The following DPP6 variants were observed in gnomAD, a reference collection of about 807,000 sequenced individuals.
DPP6 encodes the protein A-type potassium channel modulatory protein DPP6.
DPP6 carries 69 observed loss-of-function variants against 122.6 expected under a neutral mutation model. The ratio of observed to expected loss-of-function variants is 0.56; its 90% CI spans 0.46 to 0.69. The LOEUF is 0.69. DPP6 is among the 30% of genes least tolerant of loss of function. DPP6 has a pLI of 0.00. For synonymous variants in DPP6, 418 were observed against 433.1 expected (o/e 0.97, Z 0.43); for missense variants, 928 against 1,116.9 (o/e 0.83, Z 2.41).
At chr7:154,388,834 G>C (rs927620408) in intron 1 of DPP6, among the ~76,000 whole-genome samples, 5 of 152,140 alleles carry the variant, frequency 3.3e-5, no homozygotes, top group African/African-American at 4.8e-5. Context: ...CATATCCGTT[G>C]TCATTTAAGT....
intron 1 of DPP6, among the ~76,000 whole-genome samples, chr7:154,197,494 C>A (rs975231675): frequency 2.7e-4 from 41 of 152,124 alleles, no homozygotes; most frequent in Non-Finnish European, 5.3e-4. Flanking sequence ...CTCGGAACAC[C>A]CGGTCATCAG....
intron 8 of DPP6, among the ~76,000 whole-genome samples, chr7:154,753,310 C>T (rs559701025): frequency 6.6e-6 from 1 of 152,194 alleles, no homozygotes; most frequent in Non-Finnish European, 1.5e-5. Context: ...CCTTCCGAAT[C>T]TATTATTTAC....
intron 7 of DPP6, among the ~76,000 whole-genome samples, chr7:154,709,640 TG>T (rs1262027890): frequency 1.3e-5 from 2 of 152,064 alleles, no homozygotes; most frequent in African/African-American, 4.8e-5. Context: ...AGTCACAGTT[TG>T]GTGGCTTTTG....
At chr7:154,175,450 G>T (rs1412902390) in intron 1 of DPP6, among the ~76,000 whole-genome samples, 1 of 152,072 alleles carries the variant, frequency 6.6e-6, no homozygotes, top group Non-Finnish European at 1.5e-5. Flanking sequence ...GAGCTCGGAA[G>T]CAGGTTTTCC....
chr7:154,535,716 T>C (rs1024922410), intron 3 of DPP6, among the ~76,000 whole-genome samples: 1 of 151,984 alleles, frequency 6.6e-6, no homozygotes, highest in African/African-American at 2.4e-5. Flanking sequence ...TGGACAAAAT[T>C]TTTCAAGATA....
At chr7:154,443,517 TGGA>T (rs1819567222) in intron 1 of DPP6, among the ~76,000 whole-genome samples, 1 of 143,132 alleles carries the variant, frequency 7.0e-6, no homozygotes, top group Non-Finnish European at 1.5e-5. Context: ...CATGGATGGA[TGGA>T]TGGATGGATG....
Position 154,060,900 on chromosome 7 carries a change from C to T in DPP6, c.243+7837C>T, listed in dbSNP as rs1377519709. Among the ~76,000 whole-genome samples the T allele has an allele frequency of 3.0e-4, 43 of 144,156 alleles. 1 individual carries two copies. Among genetic ancestry groups the T allele is most frequent in the Admixed American group, 2.5e-3 (36 of 14,602 alleles). 94.6% of individuals were successfully genotyped at this position (144,156 alleles called of 152,430 possible). A position where few individuals can be genotyped will look rare whatever the true frequency, so the allele number is the denominator to read the frequency against. ...GAGTGGGGAGGCACCCCCCACGAGG[C>T]GGGGACTGAGAGCCAGACCCTCTTC... is the stretch of plus-strand genomic sequence containing the variant. On this transcript the variant is annotated intron_variant, in intron 1 of 25. Coordinates refer to ENST00000377770, the MANE Select transcript of DPP6 (RefSeq NM_130797.4).
intron 1 of DPP6, among the ~76,000 whole-genome samples, chr7:154,071,262 T>C (rs1803101248): frequency 6.6e-6 from 1 of 152,172 alleles, no homozygotes; most frequent in African/African-American, 2.4e-5. Flanking sequence ...TGCCAGGCAT[T>C]TTCTCTTTCT....
chr7:154,443,023 T>G (rs2151282694), intron 1 of DPP6, among the ~76,000 whole-genome samples: 1 of 152,260 alleles, frequency 6.6e-6, no homozygotes, highest in African/African-American at 2.4e-5. Flanking sequence ...CACCTGGCCC[T>G]CAGGCTCTGC....
intron 1 of DPP6, among the ~76,000 whole-genome samples, chr7:153,979,671 G>T (rs1372350772): frequency 6.6e-6 from 1 of 152,180 alleles, no homozygotes; most frequent in Non-Finnish European, 1.5e-5. Flanking sequence ...GTGTGATATT[G>T]GCTGTGGGTT....
rs546366902 is a variant in DPP6, at chr7:154,062,959, C to T, written c.243+9896C>T. ...GTCCAGGTAGAAATTTCAAATCTTCCGACGGCAGGTACCTTACGTGGAATT... is the reference window on the plus strand; with the variant it reads ...GTCCAGGTAGAAATTTCAAATCTTCTGACGGCAGGTACCTTACGTGGAATT... On this transcript the variant is annotated intron_variant, in intron 1 of 25. Coordinates refer to ENST00000377770, the MANE Select transcript of DPP6 (RefSeq NM_130797.4). 1.8e-4 allele frequency among the ~76,000 whole-genome samples: 24 copies of T among 132,350 alleles called. 4 individuals carry two copies. Among genetic ancestry groups the T allele is most frequent in the Admixed American group, 1.2e-3 (16 of 12,974 alleles). 86.8% of individuals were successfully genotyped at this position (132,350 alleles called of 152,430 possible).
At chr7:153,756,899 A>G in the DPP6 span, among the ~76,000 whole-genome samples, 3 of 152,144 alleles carry the variant, frequency 2.0e-5, no homozygotes, top group Non-Finnish European at 4.4e-5. Context: ...CTAAGCTCAT[A>G]CATAAGTTAA....
intron 1 of DPP6, among the ~76,000 whole-genome samples, chr7:154,024,104 G>T (rs1400904846): frequency 6.6e-6 from 1 of 152,160 alleles, no homozygotes; most frequent in African/African-American, 2.4e-5. Context: ...CTTCTCAGCT[G>T]TAAAATATCT....
chr7:154,058,410 A>ACC (rs1214552115), intron 1 of DPP6: 1 of 89,616 alleles, frequency 1.1e-5, no homozygotes, highest in Non-Finnish European at 2.3e-5. Context: ...GGGGGAGGCA[A>ACC]CCCCGCGAGG....
rs139722581 is a variant in DPP6 at position 154,887,880 on chromosome 7, C to T, written c.2304+146C>T. 1.9e-4 allele frequency: 186 copies of T among 954,052 alleles called. No homozygotes were observed. In the East Asian group the frequency reaches 3.0e-3, roughly 15 times the overall value. The allele number at this position is 954,052 out of a possible 1,614,324, so 59.1% of individuals were successfully genotyped here. A position where few individuals can be genotyped will look rare whatever the true frequency, so the allele number is the denominator to read the frequency against. ...GCACCAAAGCCCACTCAGAAACCTC[C>T]GAAGGATCATTCCACCAGAGAGTGG... On this transcript the variant is annotated intron_variant, in intron 23 of 25. Transcript: ENST00000377770.
chr7:154,630,873 G>A (rs916870293), intron 5 of DPP6, among the ~76,000 whole-genome samples: 3 of 152,036 alleles, frequency 2.0e-5, no homozygotes, highest in Non-Finnish European at 4.4e-5. Context: ...GATGGGTACA[G>A]CAAACCAGCA....
At position 154,074,042 on chromosome 7, in the gene DPP6, A is replaced by ATCTATCTAT. The variant is rs1411334813; in HGVS notation, c.243+20979_243+20980insTCTATCTAT. Among the ~76,000 whole-genome samples the ATCTATCTAT allele has an allele frequency of 2.1e-4, 24 of 113,270 alleles. No homozygotes were observed. In the East Asian group the frequency reaches 4.2e-3, roughly 20 times the overall value. 74.3% of individuals were successfully genotyped at this position (113,270 alleles called of 152,430 possible). A position where few individuals can be genotyped will look rare whatever the true frequency, so the allele number is the denominator to read the frequency against. On this transcript the variant is annotated intron_variant, in intron 1 of 25. Transcript: ENST00000377770. ...ATGTATGTATGTATGTATGTATGTAAGTATCTATCTATATATCTCCATATA... is the reference window on the plus strand; with the variant it reads ...ATGTATGTATGTATGTATGTATGTAATCTATCTATGTATCTATCTATATATCTCCATATA...
chr7:154,196,388 G>A (rs1425479975), intron 1 of DPP6, among the ~76,000 whole-genome samples: 1 of 152,208 alleles, frequency 6.6e-6, no homozygotes, highest in African/African-American at 2.4e-5. Flanking sequence ...TATTCAGGAG[G>A]CTGCAGCAGA....
At chr7:153,764,829 C>T in the DPP6 span, among the ~76,000 whole-genome samples, 2 of 151,862 alleles carry the variant, frequency 1.3e-5, no homozygotes, top group South Asian at 4.2e-4. Flanking sequence ...ATCACCAGAA[C>T]CGACACAGCT....
Sources: allele counts gnomAD v4.1 joint callset (sites outside exome capture counted in the v4.1 genomes callset), GRCh38; gene constraint gnomAD v4.1.1; transcripts MANE v1.5; gene names NCBI Gene and HGNC (gene_info 2026-07-23, HGNC 2026-07-21).